Variants in PTGFRN observed in about 807,000 individuals in gnomAD.
The protein encoded by PTGFRN is prostaglandin F2 receptor negative regulator.
PTGFRN carries 35 observed loss-of-function variants against 83.2 expected under a neutral mutation model. That is an observed-to-expected ratio of 0.42 (90% CI 0.32 to 0.56). The LOEUF (loss-of-function observed/expected upper bound fraction) is 0.56, where lower values mean the gene tolerates loss of function less well. Ranked by LOEUF, PTGFRN falls within the 20% of genes least tolerant of loss-of-function variation. PTGFRN has a pLI of 0.11. For missense variants in PTGFRN, 1,051 were observed against 1,179.5 expected, an observed-to-expected ratio of 0.89 and a Z score of 1.60; for synonymous variants, 519 against 498.6, an observed-to-expected ratio of 1.04 and a Z score of -0.55.
intron 1 of PTGFRN, among the ~76,000 whole-genome samples, chr1:116,911,304 G>T (rs1173890276): frequency 2.0e-5 from 3 of 152,186 alleles, no homozygotes; most frequent in East Asian, 1.9e-4. Context: ...TTCACAGAGC[G>T]CATGATGTGC....
At chr1:116,985,663 G>A (rs371076293) in intron 8 of PTGFRN, among the ~76,000 whole-genome samples, 41 of 150,054 alleles carry the variant, frequency 2.7e-4, no homozygotes, top group African/African-American at 9.8e-4. Context: ...AGCCGAGATC[G>A]CACCATTGCA....
chr1:116,950,866 C>T (rs1040595348), intron 4 of PTGFRN, among the ~76,000 whole-genome samples: 1 of 152,162 alleles, frequency 6.6e-6, no homozygotes, highest in Admixed American at 6.5e-5. Flanking sequence ...TTTATTCCTG[C>T]CGTCTGAACC....
In PTGFRN at chr1:116,949,446, G is replaced by A. The variant is rs1650282853; in HGVS notation, c.1087G>A (p.Val363Ile). ...ARSYHLLVRDVSKENSGYYYC... is the reference protein window; with the variant it reads ...ARSYHLLVRDISKENSGYYYC... Reference sequence around the variant, plus strand: ...CTCCTACCATTTACTGGTTCGGGATGTTAGCAAAGAAAACTCTGGCTACTA... The same window carrying A: ...CTCCTACCATTTACTGGTTCGGGATATTAGCAAAGAAAACTCTGGCTACTA... The change falls in exon 4 of 9, where the codon GTT (valine) becomes ATT (isoleucine). Residue 363 changes from valine to isoleucine, a missense_variant. Transcript: ENST00000393203. The A allele has an allele frequency of 1.2e-6, 2 of 1,614,146 alleles. No homozygotes were observed. Among genetic ancestry groups the A allele is most frequent in the Non-Finnish European group, 1.7e-6 (2 of 1,180,058 alleles).
Position 116,959,669 on chromosome 1 carries a change from G to T in PTGFRN, c.1214-1574G>T, listed in dbSNP as rs370874266. Reference sequence around the variant, plus strand: ...TTCTCCCAGAAGGCAAAGTGCTATGGAAGAAAAACGTAGCCCTTTATAGGC... The same window carrying T: ...TTCTCCCAGAAGGCAAAGTGCTATGTAAGAAAAACGTAGCCCTTTATAGGC... On this transcript the variant is annotated intron_variant, in intron 4 of 8. Transcript: ENST00000393203. 3.9e-5 allele frequency among the ~76,000 whole-genome samples: 6 copies of T among 152,250 alleles called. No individual in the cohort carries two copies. In the East Asian group the frequency reaches 1.2e-3, roughly 29 times the overall value.
chr1:116,916,318 G>A (rs1313556997), intron 1 of PTGFRN, among the ~76,000 whole-genome samples: 2 of 152,198 alleles, frequency 1.3e-5, no homozygotes, highest in African/African-American at 4.8e-5. Flanking sequence ...TTAGAATAGC[G>A]AAGAGTGGAA....
intron 2 of PTGFRN, 54 bp downstream of exon 2, chr1:116,942,137 T>A: frequency 6.5e-7 from 1 of 1,544,232 alleles, no homozygotes; most frequent in South Asian, 1.3e-5. Context: ...TCTCTGCCCC[T>A]GGGCTGTGGT....
intron 6 of PTGFRN, among the ~76,000 whole-genome samples, chr1:116,967,539 A>T (rs776382998): frequency 2.3e-4 from 35 of 152,054 alleles, no homozygotes; most frequent in Admixed American, 1.2e-3. Context: ...CATTTTCATG[A>T]CCCCAAAAGA....
At chr1:116,935,713 C>T (rs1649903672) in intron 1 of PTGFRN, among the ~76,000 whole-genome samples, 1 of 152,164 alleles carries the variant, frequency 6.6e-6, no homozygotes, top group South Asian at 2.1e-4. Context: ...CAAAGGTACT[C>T]TGAGGCTGTG....
At chr1:116,955,565 G>T (rs1290077154) in intron 4 of PTGFRN, among the ~76,000 whole-genome samples, 1 of 152,076 alleles carries the variant, frequency 6.6e-6, no homozygotes, top group Non-Finnish European at 1.5e-5. Context: ...ACTTTAGTAT[G>T]CATCTTTAAT....
chr1:116,948,100 CGTTGATGCCA>C (rs1195409054), intron 3 of PTGFRN, among the ~76,000 whole-genome samples: 1 of 152,184 alleles, frequency 6.6e-6, no homozygotes, highest in Non-Finnish European at 1.5e-5. Context: ...AGCGCCATGC[CGTTGATGCCA>C]GCGACTTGCT....
chr1:116,984,563 G>A (rs1463484982), intron 7 of PTGFRN, 117 bp from the exon 8 acceptor site: 14 of 934,222 alleles, frequency 1.5e-5, no homozygotes, highest in African/African-American at 6.6e-5. Flanking sequence ...CAGTGAGACC[G>A]AAGGCATGTA....
At chr1:116,910,328 G>A in intron 1 of PTGFRN, 76 bp downstream of exon 1, 1 of 1,213,564 alleles carries the variant, frequency 8.2e-7, no homozygotes, top group Non-Finnish European at 1.0e-6. Context: ...CGCGGCTGCA[G>A]CGCGCGGCCT....
chr1:116,983,500 A>C (rs1294037035), intron 7 of PTGFRN, among the ~76,000 whole-genome samples: 2 of 29,204 alleles, frequency 6.8e-5, no homozygotes, highest in Non-Finnish European at 1.5e-4. Context: ...ACTGGGAACA[A>C]AAAAAAAAAA....
At chr1:116,942,140 G>A in intron 2 of PTGFRN, 57 bp downstream of exon 2, 1 of 1,543,740 alleles carries the variant, frequency 6.5e-7, no homozygotes, top group Non-Finnish European at 8.7e-7. Flanking sequence ...CTGCCCCTGG[G>A]CTGTGGTGGA....
intron 7 of PTGFRN, among the ~76,000 whole-genome samples, chr1:116,978,874 G>A (rs928784670): frequency 8.5e-5 from 13 of 152,140 alleles, no homozygotes; most frequent in African/African-American, 3.1e-4. Context: ...TCTGGCCAGG[G>A]CAATCAGGCA....
intron 7 of PTGFRN, among the ~76,000 whole-genome samples, chr1:116,982,178 T>G (rs1274418707): frequency 6.6e-6 from 1 of 152,218 alleles, no homozygotes; most frequent in African/African-American, 2.4e-5. Flanking sequence ...GCCCTTAAAG[T>G]TCATTTATGA....
At chr1:116,920,959 C>T (rs1241237643) in intron 1 of PTGFRN, among the ~76,000 whole-genome samples, 1 of 152,190 alleles carries the variant, frequency 6.6e-6, no homozygotes, top group East Asian at 1.9e-4. Context: ...AACCAATAGA[C>T]TCAGCTGGCT....
intron 1 of PTGFRN, among the ~76,000 whole-genome samples, chr1:116,922,151 A>G (rs1453844008): frequency 6.6e-6 from 1 of 152,140 alleles, no homozygotes. Context: ...AAGAGCCGGC[A>G]TGTGTGAGGC....
At chr1:116,934,961 G>C (rs1419381510) in intron 1 of PTGFRN, among the ~76,000 whole-genome samples, 1 of 152,190 alleles carries the variant, frequency 6.6e-6, no homozygotes, top group Non-Finnish European at 1.5e-5. Flanking sequence ...TTGTAACTGA[G>C]AATCTGAGTG....
Sources: gnomAD v4.1 joint callset for allele counts (sites outside exome capture counted in the v4.1 genomes callset) on GRCh38, gnomAD v4.1.1 for gene constraint, MANE v1.5 for transcripts, NCBI Gene and HGNC (gene_info 2026-07-23, HGNC 2026-07-21) for gene names.